Variants in MAST4 observed in about 807,000 individuals in gnomAD.
MAST4 encodes microtubule-associated serine/threonine-protein kinase 4.
A neutral mutation model predicts 162.7 loss-of-function variants in MAST4; 89 were observed. The observed-to-expected ratio is 0.55, with a 90% CI of 0.46 to 0.65. The LOEUF (loss-of-function observed/expected upper bound fraction) is 0.65, where lower values mean the gene tolerates loss of function less well. MAST4 is among the 30% of genes least tolerant of loss of function. The pLI, the probability that MAST4 is intolerant of heterozygous loss-of-function variation, is 0.00. For missense variants in MAST4, 3,153 were observed against 3,374.0 expected, an observed-to-expected ratio of 0.93 and a Z score of 1.62; for synonymous variants, 1,479 against 1,361.1, an observed-to-expected ratio of 1.09 and a Z score of -1.91.
At chr5:66,905,557 A>G (rs1763302935) in intron 4 of MAST4, among the ~76,000 whole-genome samples, 1 of 152,140 alleles carries the variant, frequency 6.6e-6, no homozygotes, top group South Asian at 2.1e-4. Context: ...CAAACTCTGT[A>G]AAATATTTGA....
intron 15 of MAST4, among the ~76,000 whole-genome samples, chr5:67,131,398 C>G (rs1216513381): frequency 6.6e-6 from 1 of 152,016 alleles, no homozygotes; most frequent in Admixed American, 6.6e-5. Flanking sequence ...TATTACCATC[C>G]TCGTATTACA....
At chr5:67,080,709 C>G (rs1385446297) in intron 5 of MAST4, among the ~76,000 whole-genome samples, 1 of 151,422 alleles carries the variant, frequency 6.6e-6, no homozygotes, top group Non-Finnish European at 1.5e-5. Flanking sequence ...AGATCCCGTG[C>G]CTTGATTTTA....
chr5:66,860,116 T>G (rs1375774700), intron 3 of MAST4, among the ~76,000 whole-genome samples: 1 of 152,216 alleles, frequency 6.6e-6, no homozygotes, highest in Non-Finnish European at 1.5e-5. Context: ...CAAATTAGAT[T>G]TGAATTCCAG....
At position 67,166,442 on chromosome 5, in the gene MAST4, G is replaced by T. The variant is rs1460922350; in HGVS notation, c.7263G>T (p.Gly2421=). The T allele has an allele frequency of 1.2e-6, 2 of 1,602,844 alleles. No homozygotes were observed. Among genetic ancestry groups the T allele is most frequent in the Non-Finnish European group, 1.7e-6 (2 of 1,174,526 alleles). The change falls in exon 29 of 29, where the codon GGG becomes GGT. Residue 2421 remains glycine, a synonymous_variant. Coordinates refer to ENST00000403625, the MANE Select transcript of MAST4 (RefSeq NM_001164664.2). ...GKGFPEARGK[G]PGPQKPPTEA... is the part of the protein sequence containing the mutation. ...GCTTCCCTGAGGCCAGAGGGAAAGG[G>T]CCCGGTCCCCAGAAGCCACCGACGG... is the stretch of plus-strand genomic sequence containing the variant.
chr5:66,678,710 G>T (rs1337664992), intron 1 of MAST4, among the ~76,000 whole-genome samples: 1 of 151,642 alleles, frequency 6.6e-6, no homozygotes, highest in Non-Finnish European at 1.5e-5. Flanking sequence ...GGCCACAATG[G>T]TCTCCATCTC....
intron 1 of MAST4, among the ~76,000 whole-genome samples, chr5:66,709,104 T>C (rs1260283027): frequency 6.6e-6 from 1 of 152,198 alleles, no homozygotes; most frequent in Non-Finnish European, 1.5e-5. Flanking sequence ...TATAGAAATA[T>C]TCAGTGACAT....
At chr5:66,708,833 G>A (rs1750310892) in intron 1 of MAST4, among the ~76,000 whole-genome samples, 1 of 152,178 alleles carries the variant, frequency 6.6e-6, no homozygotes, top group African/African-American at 2.4e-5. Flanking sequence ...CTGGGTGGTA[G>A]CAGTGTTTCT....
At chr5:66,723,265 A>G (rs1751325554) in intron 1 of MAST4, among the ~76,000 whole-genome samples, 1 of 152,162 alleles carries the variant, frequency 6.6e-6, no homozygotes, top group Admixed American at 6.5e-5. Flanking sequence ...TCTCAGTCCT[A>G]AAGGGTTCTT....
intron 1 of MAST4, among the ~76,000 whole-genome samples, chr5:66,673,225 T>A (rs553291176): frequency 6.6e-6 from 1 of 152,338 alleles, no homozygotes; most frequent in African/African-American, 2.4e-5. Flanking sequence ...ATTATCTGCT[T>A]ACACTTTCTC....
At chr5:67,018,679 T>C (rs1753615791) in intron 4 of MAST4, among the ~76,000 whole-genome samples, 2 of 152,120 alleles carry the variant, frequency 1.3e-5, no homozygotes, top group Non-Finnish European at 2.9e-5. Flanking sequence ...ATTTAAGATA[T>C]AGAGTATGAT....
chr5:66,855,019 G>C (rs1261700492), intron 3 of MAST4, among the ~76,000 whole-genome samples: 1 of 152,172 alleles, frequency 6.6e-6, no homozygotes, highest in African/African-American at 2.4e-5. Flanking sequence ...TTTTGTGTCT[G>C]TGTTCACATG....
At chr5:67,138,647 T>C (rs1469243430) in intron 19 of MAST4, among the ~76,000 whole-genome samples, 1 of 152,168 alleles carries the variant, frequency 6.6e-6, no homozygotes, top group Non-Finnish European at 1.5e-5. Flanking sequence ...TTGGCCAGGC[T>C]GGTCTTGAAC....
chr5:66,657,751 C>T (rs1328720627), intron 1 of MAST4, among the ~76,000 whole-genome samples: 2 of 152,080 alleles, frequency 1.3e-5, no homozygotes, highest in Non-Finnish European at 2.9e-5. Flanking sequence ...TTCCTTTATC[C>T]ATGAAGATGA....
intron 4 of MAST4, among the ~76,000 whole-genome samples, chr5:67,023,066 G>A (rs1754182338): frequency 6.6e-6 from 1 of 152,092 alleles, no homozygotes; most frequent in Non-Finnish European, 1.5e-5. Context: ...AATAGAGCAA[G>A]AACAATGTTC....
chr5:67,142,091 C>T, intron 19 of MAST4, 24 bp from the exon 20 acceptor site: 1 of 1,608,170 alleles, frequency 6.2e-7, no homozygotes, highest in Admixed American at 1.7e-5. Context: ...ACTTTCCTCT[C>T]TGTCTCTACC....
At chr5:66,665,483 A>G (rs1472808995) in intron 1 of MAST4, among the ~76,000 whole-genome samples, 1 of 152,236 alleles carries the variant, frequency 6.6e-6, no homozygotes, top group African/African-American at 2.4e-5. Context: ...AACTATTTTA[A>G]ATGGTATGAT....
At chr5:66,755,642 T>C (rs939532295) in intron 1 of MAST4, among the ~76,000 whole-genome samples, 1 of 152,202 alleles carries the variant, frequency 6.6e-6, no homozygotes, top group Non-Finnish European at 1.5e-5. Flanking sequence ...TTTTTAAAAT[T>C]TATTCTTTTA....
chr5:66,620,792 T>A (rs1332328958), intron 1 of MAST4, among the ~76,000 whole-genome samples: 3 of 152,052 alleles, frequency 2.0e-5, no homozygotes, highest in Non-Finnish European at 4.4e-5. Context: ...TTTTTTTTTT[T>A]AAATGTCTCA....
chr5:66,926,660 A>ATG (rs559644750), intron 4 of MAST4, among the ~76,000 whole-genome samples: 8 of 151,362 alleles, frequency 5.3e-5, no homozygotes, highest in South Asian at 2.1e-4. Context: ...ATGTATATAT[A>ATG]TGTGTGTGTG....
Sources: allele counts gnomAD v4.1 joint callset (sites outside exome capture counted in the v4.1 genomes callset), GRCh38; gene constraint gnomAD v4.1.1; transcripts MANE v1.5; gene names NCBI Gene and HGNC (gene_info 2026-07-23, HGNC 2026-07-21).